Variants in KCNIP4 observed in about 807,000 individuals in gnomAD.
KCNIP4 encodes potassium voltage-gated channel interacting protein 4, also known as Kv channel-interacting protein 4.
KCNIP4 carries 12 observed loss-of-function variants against 34.0 expected under a neutral mutation model. The ratio of observed to expected loss-of-function variants is 0.35; its 90% CI spans 0.23 to 0.57. The LOEUF is 0.57. Among genes scored for constraint, KCNIP4 ranks in the 20% least tolerant of loss-of-function variants. The probability of loss-of-function intolerance (pLI) is 0.83; values close to 1 mark genes in which losing one functional copy is unlikely to be tolerated. For synonymous variants in KCNIP4, 124 were observed against 102.2 expected (o/e 1.21, Z -1.29); for missense variants, 238 against 311.7 (o/e 0.76, Z 1.78).
At chr4:21,591,945 G>A (rs115183862) in intron 1 of KCNIP4, among the ~76,000 whole-genome samples, 1 of 152,176 alleles carries the variant, frequency 6.6e-6, no homozygotes, top group African/African-American at 2.4e-5. Flanking sequence ...GGCGAAGGGA[G>A]GCACCATTGA....
At chr4:21,587,600 T>C (rs1411692957) in intron 1 of KCNIP4, among the ~76,000 whole-genome samples, 1 of 152,032 alleles carries the variant, frequency 6.6e-6, no homozygotes, top group East Asian at 1.9e-4. Flanking sequence ...TAACATGTAT[T>C]AAGTGCTTAT....
In KCNIP4 at chr4:21,234,234, C is replaced by CGT. The variant is rs1553841517; in HGVS notation, c.62-351526_62-351525insAC. 1.1e-3 allele frequency among the ~76,000 whole-genome samples: 37 copies of CGT among 32,222 alleles called. 3 individuals are homozygous for CGT. Among genetic ancestry groups the CGT allele is most frequent in the African/African-American group, 4.8e-3 (15 of 3,122 alleles). The allele number at this position is 32,222 out of a possible 152,430, so 21.1% of individuals were successfully genotyped here. A position where few individuals can be genotyped will look rare whatever the true frequency, so the allele number is the denominator to read the frequency against. On this transcript the variant is annotated intron_variant, in intron 1 of 8. Coordinates refer to ENST00000382152, the MANE Select transcript of KCNIP4 (RefSeq NM_025221.6). ...CGTATATTATATATAACATATATAA[C>CGT]ATATATATAACATATATTATATATA...
chr4:21,444,203 G>A (rs1033127579), intron 1 of KCNIP4, among the ~76,000 whole-genome samples: 2 of 152,148 alleles, frequency 1.3e-5, no homozygotes, highest in African/African-American at 4.8e-5. Flanking sequence ...GGTACAAGGA[G>A]ACAGTGGTAC....
At chr4:21,285,565 A>G (rs1039309305) in intron 1 of KCNIP4, among the ~76,000 whole-genome samples, 1 of 152,156 alleles carries the variant, frequency 6.6e-6, no homozygotes, top group Non-Finnish European at 1.5e-5. Flanking sequence ...GTGGTGGCTC[A>G]TGCCTGTAAT....
In KCNIP4 at chr4:21,937,396, A is replaced by G. The variant is rs546262088; in HGVS notation, c.61+11175T>C. Among the ~76,000 whole-genome samples the G allele has an allele frequency of 5.9e-5, 9 of 152,102 alleles. No homozygotes were observed. In the East Asian group the frequency reaches 1.7e-3, roughly 29 times the overall value. On this transcript the variant is annotated intron_variant, in intron 1 of 8. Transcript: ENST00000382152. Reference sequence around the variant, plus strand: ...ATTCCCACTGCCTTTACCCTTGTTCAAACGTTTGTTTTCTCTTGCCTAGAC... The same window carrying G: ...ATTCCCACTGCCTTTACCCTTGTTCGAACGTTTGTTTTCTCTTGCCTAGAC...
intron 1 of KCNIP4, among the ~76,000 whole-genome samples, chr4:21,115,218 C>A (rs955129590): frequency 2.4e-4 from 36 of 152,182 alleles, no homozygotes; most frequent in Non-Finnish European, 2.9e-5. Context: ...TCTCTATAAC[C>A]ATACACAGTT....
At chr4:21,764,091 A>G (rs1403395742) in intron 1 of KCNIP4, among the ~76,000 whole-genome samples, 2 of 152,188 alleles carry the variant, frequency 1.3e-5, no homozygotes, top group African/African-American at 4.8e-5. Context: ...AAGAAATTCA[A>G]TTTAGTATAG....
At chr4:21,832,941 T>C (rs1198100300) in intron 1 of KCNIP4, among the ~76,000 whole-genome samples, 3 of 150,348 alleles carry the variant, frequency 2.0e-5, no homozygotes, top group South Asian at 4.2e-4. Flanking sequence ...TATGGCTGCA[T>C]AGTATTTCAT....
chr4:20,890,462 C>T (rs967884590), intron 1 of KCNIP4, among the ~76,000 whole-genome samples: 5 of 151,726 alleles, frequency 3.3e-5, no homozygotes, highest in East Asian at 1.9e-4. Flanking sequence ...TATCCTGTTT[C>T]GATTATTAAC....
intron 1 of KCNIP4, among the ~76,000 whole-genome samples, chr4:21,644,910 A>G (rs1312165202): frequency 6.6e-6 from 1 of 152,166 alleles, no homozygotes; most frequent in African/African-American, 2.4e-5. Flanking sequence ...TCTAAGAATC[A>G]TAATTTGTTA....
At chr4:21,379,219 A>G (rs927390064) in intron 1 of KCNIP4, among the ~76,000 whole-genome samples, 2 of 152,306 alleles carry the variant, frequency 1.3e-5, no homozygotes, top group African/African-American at 4.8e-5. Flanking sequence ...CCTTGTATGA[A>G]TCTTTCACTA....
At chr4:20,792,088 T>C (rs1712825533) in intron 3 of KCNIP4, among the ~76,000 whole-genome samples, 1 of 152,184 alleles carries the variant, frequency 6.6e-6, no homozygotes, top group African/African-American at 2.4e-5. Context: ...AAAATCAAGA[T>C]AGAGGCTGGG....
intron 1 of KCNIP4, among the ~76,000 whole-genome samples, chr4:21,218,058 C>G (rs898388276): frequency 4.0e-5 from 6 of 150,890 alleles, no homozygotes; most frequent in African/African-American, 1.5e-4. Context: ...TGTTGTTGCC[C>G]AGGCTGGAGT....
At chr4:21,075,155 C>T (rs368092238) in intron 1 of KCNIP4, among the ~76,000 whole-genome samples, 47 of 152,110 alleles carry the variant, frequency 3.1e-4, no homozygotes, top group East Asian at 1.4e-3. Flanking sequence ...CTATTAGGTC[C>T]GCTTGGTGCA....
At chr4:21,062,160 A>G (rs566316883) in intron 1 of KCNIP4, among the ~76,000 whole-genome samples, 1 of 152,292 alleles carries the variant, frequency 6.6e-6, no homozygotes, top group South Asian at 2.1e-4. Context: ...ATTTTGTCAT[A>G]TGTCCTGTGC....
intron 1 of KCNIP4, among the ~76,000 whole-genome samples, chr4:21,780,996 C>G (rs6448084): frequency 0.64 from 97,416 of 151,886 alleles, 32,361 homozygotes; most frequent in Non-Finnish European, 0.73. Context: ...CTAAGAACAC[C>G]AGTTACTTGA....
At chr4:21,777,178 T>A in intron 1 of KCNIP4, among the ~76,000 whole-genome samples, 1 of 152,218 alleles carries the variant, frequency 6.6e-6, no homozygotes, top group African/African-American at 2.4e-5. Flanking sequence ...TCTTCCATGA[T>A]TGTAAGTTTC....
intron 1 of KCNIP4, among the ~76,000 whole-genome samples, chr4:21,475,123 T>C (rs1560441956): frequency 6.6e-6 from 1 of 152,152 alleles, no homozygotes; most frequent in East Asian, 1.9e-4. Context: ...TCATACTCTC[T>C]CCTAACATAT....
At chr4:20,956,483 C>T (rs1014720759) in intron 1 of KCNIP4, among the ~76,000 whole-genome samples, 9 of 147,584 alleles carry the variant, frequency 6.1e-5, no homozygotes, top group African/African-American at 1.5e-4. Flanking sequence ...CCAGCCTGGG[C>T]GACAGTGCAA....
Sources: gnomAD v4.1 joint callset for allele counts (sites outside exome capture counted in the v4.1 genomes callset) on GRCh38, gnomAD v4.1.1 for gene constraint, MANE v1.5 for transcripts, NCBI Gene and HGNC (gene_info 2026-07-23, HGNC 2026-07-21) for gene names.